ACOT12: variants seen among roughly 807,000 people sequenced by gnomAD.
The protein encoded by ACOT12 is acyl-CoA thioesterase 12, also known as acetyl-coenzyme A thioesterase.
Under a neutral mutation model 67.7 loss-of-function variants are expected in ACOT12, and 51 were observed. That is an observed-to-expected ratio of 0.75 (90% CI 0.60 to 0.95). The LOEUF is 0.95. Among genes scored for constraint, ACOT12 ranks in the 40% least tolerant of loss-of-function variants. The pLI is 0.00. For synonymous variants in ACOT12, 251 were observed against 244.6 expected (o/e 1.03, Z -0.24); for missense variants, 734 against 708.1 (o/e 1.04, Z -0.41).
chr5:81,319,925 T>C, the ACOT12 span, among the ~76,000 whole-genome samples: 1 of 151,722 alleles, frequency 6.6e-6, no homozygotes, highest in Admixed American at 6.6e-5. Context: ...TTCTGGCTGC[T>C]ATATGGAGAA....
chr5:81,310,157 TAAAAAAAAAA>T, the ACOT12 span, among the ~76,000 whole-genome samples: 2 of 104,776 alleles, frequency 1.9e-5, no homozygotes, highest in African/African-American at 8.1e-5. Context: ...TGACTAGCTG[TAAAAAAAAAA>T]AAAAAAAAAA....
chr5:81,333,626 A>G (rs6881957), intron 12 of ACOT12, among the ~76,000 whole-genome samples: 1 of 152,302 alleles, frequency 6.6e-6, no homozygotes, highest in South Asian at 2.1e-4. Context: ...TTAAAGCATA[A>G]CACCAAAGTT....
chr5:81,364,195 T>A (rs1045355292), intron 3 of ACOT12, among the ~76,000 whole-genome samples: 1 of 151,226 alleles, frequency 6.6e-6, no homozygotes, highest in African/African-American at 2.4e-5. Context: ...TGAATTTTCT[T>A]CTAGCTTTTT....
Position 81,332,914 on chromosome 5 carries a change from A to T in ACOT12, c.1263-309T>A, listed in dbSNP as rs550428670. On this transcript the variant is annotated intron_variant, in intron 12 of 14. Coordinates refer to ENST00000307624, the MANE Select transcript of ACOT12 (RefSeq NM_130767.3). ...AACCCTATCTTTATAAAAATTTTTT[A>T]AAAAATTATTTGAGTGTGGTGGTGC... 1.2e-4 allele frequency among the ~76,000 whole-genome samples: 19 copies of T among 152,178 alleles called. No homozygotes were observed. The East Asian group carries it at 3.5e-3, about 28-fold the overall frequency.
chr5:81,321,938 C>T, the ACOT12 span, among the ~76,000 whole-genome samples: 1 of 150,492 alleles, frequency 6.6e-6, no homozygotes, highest in South Asian at 2.1e-4. Context: ...CAAAGCAAGA[C>T]TCTGTCTCAA....
In ACOT12 at chr5:81,330,553, A is replaced by G. The variant is rs1184914501; in HGVS notation, c.1519-10T>C. The G allele has an allele frequency of 1.9e-5, 31 of 1,611,502 alleles. No individual in the cohort carries two copies. The highest frequency in any genetic ancestry group is 2.6e-5 in the Non-Finnish European group (31 of 1,178,956). On this transcript the variant is annotated splice_polypyrimidine_tract_variant and intron_variant, in intron 14 of 14. Transcript: ENST00000307624. ...GGTTAAAGTAAGATACCTGTTTCAA[A>G]AAGAAAGTACAATATTTTAATTTCT... is the stretch of plus-strand genomic sequence containing the variant.
chr5:81,381,336 A>G (rs1262812012), intron 2 of ACOT12, among the ~76,000 whole-genome samples: 1 of 152,102 alleles, frequency 6.6e-6, no homozygotes, highest in African/African-American at 2.4e-5. Flanking sequence ...TCCAAAGTGC[A>G]GGGATTACAG....
At chr5:81,352,323 C>T (rs1427567855) in intron 5 of ACOT12, among the ~76,000 whole-genome samples, 1 of 152,166 alleles carries the variant, frequency 6.6e-6, no homozygotes, top group African/African-American at 2.4e-5. Flanking sequence ...TGTTGCAGCC[C>T]TGTTCACAAT....
chr5:81,341,133 GAAGT>G (rs1348614163), intron 11 of ACOT12, among the ~76,000 whole-genome samples: 1 of 152,196 alleles, frequency 6.6e-6, no homozygotes, highest in Non-Finnish European at 1.5e-5. Context: ...AATGATGAAA[GAAGT>G]AAGTTTTATA....
chr5:81,372,480 A>G (rs1396046103), intron 2 of ACOT12, among the ~76,000 whole-genome samples: 1 of 152,166 alleles, frequency 6.6e-6, no homozygotes, highest in East Asian at 1.9e-4. Flanking sequence ...CTTCTGTTTC[A>G]GGGAAAGAGG....
At chr5:81,353,904 G>C (rs1283200493) in intron 5 of ACOT12, among the ~76,000 whole-genome samples, 2 of 152,124 alleles carry the variant, frequency 1.3e-5, no homozygotes, top group Admixed American at 6.6e-5. Context: ...GAGATGGGTT[G>C]GTTCTCTTCT....
intron 4 of ACOT12, among the ~76,000 whole-genome samples, chr5:81,361,338 G>T (rs1385020563): frequency 6.6e-6 from 1 of 151,678 alleles, no homozygotes; most frequent in Admixed American, 6.6e-5. Flanking sequence ...AGGATTGCAG[G>T]CAAACGTCAC....
chr5:81,357,128 G>A (rs1439598384), intron 5 of ACOT12, among the ~76,000 whole-genome samples: 6 of 152,006 alleles, frequency 3.9e-5, no homozygotes, highest in Non-Finnish European at 5.9e-5. Context: ...TCACTGCTAC[G>A]CAATTCCTCG....
chr5:81,312,260 T>A, the ACOT12 span, among the ~76,000 whole-genome samples: 1 of 152,244 alleles, frequency 6.6e-6, no homozygotes, highest in Admixed American at 6.5e-5. Flanking sequence ...TCATTGACTC[T>A]GTAATGATGA....
At chr5:81,308,839 T>G in the ACOT12 span, 1 of 1,391,408 alleles carries the variant, frequency 7.2e-7, no homozygotes, top group African/African-American at 1.5e-5. Context: ...GAGATTAAAT[T>G]TTAAGTTATG....
In ACOT12 at chr5:81,330,461, T is replaced by A. The variant is rs775737799; in HGVS notation, c.1601A>T (p.Glu534Val). ...GAACTGTATACAAGAGGCTGCTGTT[T>A]CTTCAATGGATTTTGACCAGCCACC... The part of the protein sequence containing the change: ...NLGGWSKSIE[E>V]TAASCIQFLE... The change falls in exon 15 of 15, where the codon GAA (glutamate) becomes GTA (valine). Residue 534 changes from glutamate (E) to valine (V), a missense_variant. Coordinates refer to ENST00000307624, the MANE Select transcript of ACOT12 (RefSeq NM_130767.3). 1.7e-5 allele frequency: 27 copies of A among 1,614,060 alleles called. No homozygotes were observed. In the South Asian group the frequency reaches 2.9e-4, roughly 17 times the overall value.
At chr5:81,327,899 T>A (rs1020484235), downstream of ACOT12, among the ~76,000 whole-genome samples, 1 of 152,152 alleles carries the variant, frequency 6.6e-6, no homozygotes. Context: ...GTTTCCTCTG[T>A]CCTTAGTTTC....
In ACOT12 at chr5:81,350,846, C is replaced by A. The variant is rs148926439; in HGVS notation, c.497-2916G>T. On this transcript the variant is annotated intron_variant, in intron 5 of 14. Transcript: ENST00000307624. ...TCTGGTTGACTCACTGAGGGAATCA[C>A]CTTTTGGAGGTTCCAGCACCAAGGA... 4.2e-3 allele frequency among the ~76,000 whole-genome samples: 638 copies of A among 152,234 alleles called. 1 individual carries two copies. The highest frequency in any genetic ancestry group is 0.015 in the African/African-American group (605 of 41,542).
At chr5:81,321,242 A>G in the ACOT12 span, among the ~76,000 whole-genome samples, 1 of 152,160 alleles carries the variant, frequency 6.6e-6, no homozygotes, top group Non-Finnish European at 1.5e-5. Flanking sequence ...GATGACAGAG[A>G]CAGAGCAAGA....
Sources: gnomAD v4.1 joint callset for allele counts (sites outside exome capture counted in the v4.1 genomes callset) on GRCh38, gnomAD v4.1.1 for gene constraint, MANE v1.5 for transcripts, NCBI Gene and HGNC (gene_info 2026-07-23, HGNC 2026-07-21) for gene names.